DNAH9: variants seen among roughly 807,000 people sequenced by gnomAD.
DNAH9 encodes dynein axonemal heavy chain 9.
A neutral mutation model predicts 471.6 loss-of-function variants in DNAH9; 345 were observed. The observed-to-expected ratio is 0.73, with a 90% CI of 0.67 to 0.80. The LOEUF (loss-of-function observed/expected upper bound fraction) is 0.80. Ranked by LOEUF, DNAH9 falls within the 30% of genes least tolerant of loss-of-function variation. The pLI is 0.00. For missense variants in DNAH9, 5,407 were observed against 5,609.2 expected, an observed-to-expected ratio of 0.96 and a Z score of 1.15; for synonymous variants, 2,093 against 2,123.6, an observed-to-expected ratio of 0.99 and a Z score of 0.40.
intron 26 of DNAH9, among the ~76,000 whole-genome samples, chr17:11,717,131 A>C (rs1034878400): frequency 6.6e-6 from 1 of 152,248 alleles, no homozygotes; most frequent in Non-Finnish European, 1.5e-5. Context: ...TCACCTCATC[A>C]TGCCTTGTGG....
chr17:11,849,481 C>T (rs1971337253), intron 49 of DNAH9, among the ~76,000 whole-genome samples: 1 of 152,328 alleles, frequency 6.6e-6, no homozygotes, highest in South Asian at 2.1e-4. Context: ...CCAGCTGCCT[C>T]TCAGCCATCC....
At chr17:11,738,771 CACAGG>C in intron 28 of DNAH9, 104 bp from the exon 29 acceptor site, 1 of 934,988 alleles carries the variant, frequency 1.1e-6, no homozygotes, top group South Asian at 1.5e-5. Context: ...TGAAAGGGTC[CACAGG>C]ACAGTTCTTC....
Position 11,654,092 on chromosome 17 carries a change from A to ATCCATCTAT in DNAH9, c.2595+1090_2595+1091insTCCATCTAT, listed in dbSNP as rs2073573239. ...CGATCTAGGCCGGGCGCGGTGGCTCACGCTTGTAATCCCAGCACTTTGGGA... is the reference window on the plus strand; with the variant it reads ...CGATCTAGGCCGGGCGCGGTGGCTCATCCATCTATCGCTTGTAATCCCAGCACTTTGGGA... On this transcript the variant is annotated intron_variant, in intron 14 of 68. Transcript: ENST00000262442. Among the ~76,000 whole-genome samples, 2 of 66,956 alleles carry ATCCATCTAT rather than the reference A, an allele frequency of 3.0e-5. 1 individual carries two copies. Among genetic ancestry groups the ATCCATCTAT allele is most frequent in the Non-Finnish European group, 7.3e-5 (2 of 27,394 alleles). 43.9% of individuals were successfully genotyped at this position (66,956 alleles called of 152,430 possible). A position where few individuals can be genotyped will look rare whatever the true frequency, so the allele number is the denominator to read the frequency against.
chr17:11,883,158 C>G (rs1446761061), intron 55 of DNAH9: 1 of 990,780 alleles, frequency 1.0e-6, no homozygotes, highest in East Asian at 1.1e-4. Context: ...ACAGATTCTG[C>G]TGATTTTTTT....
rs141209576 is a variant in DNAH9 at position 11,744,585 on chromosome 17, T to A, written c.6112-212T>A. On this transcript the variant is annotated intron_variant, in intron 30 of 68. Coordinates refer to ENST00000262442, the MANE Select transcript of DNAH9 (RefSeq NM_001372.4). Reference sequence around the variant, plus strand: ...CCCCACATCATTTGTATGTTCTGTGTCTGCCCTGCTGTCATCACAACTGGA... The same window carrying A: ...CCCCACATCATTTGTATGTTCTGTGACTGCCCTGCTGTCATCACAACTGGA... 3.5e-4 allele frequency among the ~76,000 whole-genome samples: 54 copies of A among 152,318 alleles called. No individual in the cohort carries two copies. In the East Asian group the frequency reaches 7.9e-3, roughly 22 times the overall value.
chr17:11,947,051 G>A (rs1975153101), intron 67 of DNAH9, among the ~76,000 whole-genome samples: 1 of 152,192 alleles, frequency 6.6e-6, no homozygotes, highest in South Asian at 2.1e-4. Context: ...AAGCCTTGAG[G>A]ACTACAGGAG....
At chr17:11,887,959 AC>A (rs1972928819) in intron 57 of DNAH9, among the ~76,000 whole-genome samples, 1 of 151,510 alleles carries the variant, frequency 6.6e-6, no homozygotes, top group Non-Finnish European at 1.5e-5. Context: ...GATTGGATGA[AC>A]TGTGTTTATA....
intron 26 of DNAH9, among the ~76,000 whole-genome samples, chr17:11,711,258 C>T (rs1351830391): frequency 6.6e-6 from 1 of 152,074 alleles, no homozygotes; most frequent in Non-Finnish European, 1.5e-5. Flanking sequence ...TGATTGACAG[C>T]CCATCAGAAT....
At chr17:11,775,639 C>A (rs182889201) in intron 38 of DNAH9, among the ~76,000 whole-genome samples, 2,705 of 112,626 alleles carry the variant, frequency 0.024, 86 homozygotes, top group African/African-American at 0.089. Flanking sequence ...GAGTCTTGCT[C>A]TGTCCCCCAG....
intron 20 of DNAH9, among the ~76,000 whole-genome samples, chr17:11,692,459 T>C (rs1479817846): frequency 2.0e-5 from 3 of 152,194 alleles, no homozygotes; most frequent in Non-Finnish European, 4.4e-5. Context: ...GGGAAAAATG[T>C]TGACAACGGA....
intron 28 of DNAH9, among the ~76,000 whole-genome samples, chr17:11,731,926 G>T (rs950804403): frequency 8.5e-5 from 13 of 152,162 alleles, no homozygotes; most frequent in Non-Finnish European, 1.2e-4. Context: ...GTAATGGGAT[G>T]GCGGGTCAAA....
chr17:11,761,861 C>T lies in DNAH9; in HGVS notation c.6996-1579C>T, dbSNP rs1044352818. 1.3e-5 allele frequency among the ~76,000 whole-genome samples: 2 copies of T among 152,160 alleles called. 1 individual carries two copies. Among genetic ancestry groups the T allele is most frequent in the Non-Finnish European group, 2.9e-5 (2 of 68,034 alleles). On this transcript the variant is annotated intron_variant, in intron 35 of 68. Coordinates refer to ENST00000262442, the MANE Select transcript of DNAH9 (RefSeq NM_001372.4). Reference sequence around the variant, plus strand: ...CTCTGATTGCTAATTTCCAGGCCTTCCAGCCTTTCCACTTTGTCCTCTGTA... The same window carrying T: ...CTCTGATTGCTAATTTCCAGGCCTTTCAGCCTTTCCACTTTGTCCTCTGTA...
intron 23 of DNAH9, 102 bp downstream of exon 23, chr17:11,699,985 C>G: frequency 8.6e-7 from 1 of 1,163,666 alleles, no homozygotes; most frequent in Non-Finnish European, 1.2e-6. Context: ...TGACCTTGGT[C>G]CAGAGCTGCT....
At chr17:11,859,423 A>C (rs1304327879) in intron 50 of DNAH9, among the ~76,000 whole-genome samples, 1 of 152,050 alleles carries the variant, frequency 6.6e-6, no homozygotes, top group Non-Finnish European at 1.5e-5. Flanking sequence ...AAAAAAAAAA[A>C]AAAAAAAAAT....
intron 14 of DNAH9, among the ~76,000 whole-genome samples, chr17:11,655,071 G>A (rs1273986324): frequency 1.3e-5 from 2 of 151,880 alleles, no homozygotes; most frequent in Admixed American, 6.6e-5. Context: ...TCTGCTAATT[G>A]GTACATAGGC....
chr17:11,949,596 C>T lies in DNAH9; in HGVS notation c.12843+7111C>T, dbSNP rs542803971. Among the ~76,000 whole-genome samples the T allele has an allele frequency of 1.5e-4, 23 of 152,176 alleles. No homozygotes were observed. The South Asian group carries it at 4.6e-3, about 30-fold the overall frequency. ...TCCCAGGTTCAAGCAATTCTCCTGCCTCAACCTCCTGAGTAGCTGGGATTA... is the reference window on the plus strand; with the variant it reads ...TCCCAGGTTCAAGCAATTCTCCTGCTTCAACCTCCTGAGTAGCTGGGATTA... On this transcript the variant is annotated intron_variant, in intron 67 of 68. Coordinates refer to ENST00000262442, the MANE Select transcript of DNAH9 (RefSeq NM_001372.4).
intron 48 of DNAH9, among the ~76,000 whole-genome samples, chr17:11,824,184 T>TTCATGAA (rs1970411287): frequency 6.6e-6 from 1 of 152,168 alleles, no homozygotes; most frequent in African/African-American, 2.4e-5. Flanking sequence ...GTGGCGAAAT[T>TTCATGAA]TCATGAATTT....
chr17:11,863,694 T>C (rs1971939739), intron 50 of DNAH9, among the ~76,000 whole-genome samples: 2 of 151,010 alleles, frequency 1.3e-5, no homozygotes, highest in African/African-American at 4.9e-5. Context: ...TGCCACAATT[T>C]CAGCTCCTGT....
chr17:11,701,225 G>A lies in DNAH9; in HGVS notation c.5129G>A (p.Trp1710Ter). The A allele has an allele frequency of 6.2e-7, 1 of 1,613,654 alleles. No homozygotes were observed. The highest frequency in any genetic ancestry group is 1.1e-5 in the South Asian group (1 of 91,042). The change falls in exon 24 of 69, where the codon TGG becomes TAG. Residue 1710 changes from tryptophan to a stop codon, truncating the protein, a stop_gained. Transcript: ENST00000262442. LOFTEE classifies it high-confidence loss of function. The part of the protein sequence containing the change: ...TAYEEKPREQ[W>*]LFDHPAQVAL... ...TATGAAGAAAAGCCGAGGGAGCAGT[G>A]GCTTTTTGACCACCCAGCTCAGGTA...
Sources: allele counts gnomAD v4.1 joint callset (sites outside exome capture counted in the v4.1 genomes callset), GRCh38; gene constraint gnomAD v4.1.1; transcripts MANE v1.5; gene names NCBI Gene and HGNC (gene_info 2026-07-23, HGNC 2026-07-21).